Variants in GRIN2A observed in about 807,000 individuals in gnomAD.
GRIN2A encodes the protein glutamate ionotropic receptor NMDA type subunit 2A.
GRIN2A carries 22 observed loss-of-function variants against 113.4 expected under a neutral mutation model. The observed-to-expected ratio is 0.19, with a 90% CI of 0.14 to 0.28. The LOEUF (loss-of-function observed/expected upper bound fraction) is 0.28. Among genes scored for constraint, GRIN2A ranks in the 10% least tolerant of loss-of-function variants. The pLI is 1.00. For synonymous variants in GRIN2A, 827 were observed against 738.4 expected (o/e 1.12, Z -1.94); for missense variants, 1,502 against 1,887.0 (o/e 0.80, Z 3.78).
chr16:10,011,568 T>C (rs1262370976), intron 2 of GRIN2A, among the ~76,000 whole-genome samples: 1 of 152,238 alleles, frequency 6.6e-6, no homozygotes, highest in Non-Finnish European at 1.5e-5. Context: ...CTGACTGCTG[T>C]GTGCTGAAGT....
chr16:10,024,005 G>C (rs1002760947), intron 2 of GRIN2A, among the ~76,000 whole-genome samples: 8 of 152,152 alleles, frequency 5.3e-5, no homozygotes, highest in Non-Finnish European at 5.9e-5. Flanking sequence ...GGCTTAGAGA[G>C]GTTAAATGAC....
intron 5 of GRIN2A, among the ~76,000 whole-genome samples, chr16:9,846,441 A>G (rs1483606929): frequency 2.0e-5 from 3 of 152,196 alleles, no homozygotes; most frequent in Admixed American, 1.3e-4. Context: ...GCAATCACAT[A>G]TTATATCTTT....
intron 2 of GRIN2A, among the ~76,000 whole-genome samples, chr16:9,954,278 C>T (rs990278620): frequency 7.2e-5 from 11 of 152,216 alleles, no homozygotes; most frequent in South Asian, 2.1e-4. Flanking sequence ...ACAGAGAAAA[C>T]GTAAAATCTA....
At chr16:9,891,365 A>C (rs2043691769) in intron 3 of GRIN2A, among the ~76,000 whole-genome samples, 1 of 152,224 alleles carries the variant, frequency 6.6e-6, no homozygotes, top group South Asian at 2.1e-4. Flanking sequence ...TGATCTTCTT[A>C]CAGGAAGATC....
intron 2 of GRIN2A, among the ~76,000 whole-genome samples, chr16:10,162,538 T>A (rs1378742932): frequency 6.6e-6 from 1 of 152,226 alleles, no homozygotes; most frequent in Non-Finnish European, 1.5e-5. Context: ...CTCCTTGGCA[T>A]ACAGATGGCC....
intron 5 of GRIN2A, among the ~76,000 whole-genome samples, chr16:9,846,386 G>C (rs1289335527): frequency 6.6e-6 from 1 of 152,204 alleles, no homozygotes; most frequent in African/African-American, 2.4e-5. Context: ...TGACCTCACT[G>C]ATAAAATTTT....
chr16:9,863,075 A>C (rs927723264), intron 4 of GRIN2A, among the ~76,000 whole-genome samples: 1 of 152,218 alleles, frequency 6.6e-6, no homozygotes, highest in African/African-American at 2.4e-5. Flanking sequence ...TCAAACAGCA[A>C]GTGAGAAGAC....
chr16:9,762,875 A>G lies in GRIN2A; in HGVS notation c.*274T>C. ...ATTATTGCCAACATACCCAGTAGGC[A>G]TGTCCCGGAGACTTGCCCTTATGTA... On this transcript the variant is annotated 3_prime_UTR_variant, in exon 13 of 13. Transcript: ENST00000330684. 2 of 534,958 alleles carry G rather than the reference A, an allele frequency of 3.7e-6. No homozygotes were observed. Among genetic ancestry groups the G allele is most frequent in the Non-Finnish European group, 6.7e-6 (2 of 298,638 alleles). The allele number at this position is 534,958 out of a possible 1,614,324, so 33.1% of individuals were successfully genotyped here. A position where few individuals can be genotyped will look rare whatever the true frequency, so the allele number is the denominator to read the frequency against.
intron 2 of GRIN2A, among the ~76,000 whole-genome samples, chr16:10,081,430 C>T (rs1161891583): frequency 6.6e-6 from 1 of 152,224 alleles, no homozygotes; most frequent in Admixed American, 6.5e-5. Flanking sequence ...CACATTCAAT[C>T]AAACTGTCAC....
At chr16:10,160,987 G>A (rs974572186) in intron 2 of GRIN2A, among the ~76,000 whole-genome samples, 4 of 152,206 alleles carry the variant, frequency 2.6e-5, no homozygotes, top group African/African-American at 7.2e-5. Context: ...CAGAACACAC[G>A]TGCAGAGCAC....
intron 2 of GRIN2A, among the ~76,000 whole-genome samples, chr16:10,008,066 T>G (rs2046436419): frequency 6.6e-6 from 1 of 152,180 alleles, no homozygotes; most frequent in Non-Finnish European, 1.5e-5. Flanking sequence ...GTAGGCACTC[T>G]ATGAACATGA....
At chr16:9,936,986 C>A (rs1301191365) in intron 3 of GRIN2A, among the ~76,000 whole-genome samples, 1 of 152,140 alleles carries the variant, frequency 6.6e-6, no homozygotes, top group Non-Finnish European at 1.5e-5. Context: ...AATCCTATAT[C>A]TTAGAATCAA....
At chr16:10,173,882 G>A (rs1015390504) in intron 2 of GRIN2A, among the ~76,000 whole-genome samples, 5 of 152,150 alleles carry the variant, frequency 3.3e-5, no homozygotes, top group Admixed American at 1.3e-4. Context: ...GTCAAAATCC[G>A]AGTGAACACA....
chr16:10,006,721 C>T lies in GRIN2A; in HGVS notation c.415-68170G>A, dbSNP rs117902533. On this transcript the variant is annotated intron_variant, in intron 2 of 12. Coordinates refer to ENST00000330684, the MANE Select transcript of GRIN2A (RefSeq NM_001134407.3). ...TTATGCTATCAAACACTAGATCTTA[C>T]GCATTCCATCTTAACTATATTTTTT... Among the ~76,000 whole-genome samples, 19 of 152,228 alleles carry T rather than the reference C, an allele frequency of 1.2e-4. No individual in the cohort carries two copies. In the East Asian group the frequency reaches 2.7e-3, roughly 22 times the overall value.
chr16:9,864,813 G>C (rs764520487), intron 4 of GRIN2A, among the ~76,000 whole-genome samples: 18 of 152,166 alleles, frequency 1.2e-4, no homozygotes, highest in Non-Finnish European at 2.5e-4. Flanking sequence ...GCAGGTCTCT[G>C]ATGGGCATTT....
intron 2 of GRIN2A, among the ~76,000 whole-genome samples, chr16:10,108,273 A>G (rs2048535724): frequency 6.6e-6 from 1 of 152,228 alleles, no homozygotes; most frequent in Admixed American, 6.5e-5. Context: ...GAGCTTGTGC[A>G]GGAGAATTCC....
At chr16:9,837,023 G>A (rs575559907) in intron 7 of GRIN2A, among the ~76,000 whole-genome samples, 48 of 152,304 alleles carry the variant, frequency 3.2e-4, no homozygotes, top group Non-Finnish European at 5.4e-4. Context: ...TTACCTGCAA[G>A]TGCTTCTGAT....
In GRIN2A at chr16:9,755,794, A is replaced by C. The variant is rs1298248421; in HGVS notation, c.*7355T>G. Reference sequence around the variant, plus strand: ...GTTCAACACTCTTCAGTGGGACAGAATAACCGTCATTATCCTAATGCTAAG... The same window carrying C: ...GTTCAACACTCTTCAGTGGGACAGACTAACCGTCATTATCCTAATGCTAAG... On this transcript the variant is annotated 3_prime_UTR_variant, in exon 13 of 13. Transcript: ENST00000330684. The C allele has an allele frequency of 4.9e-6, 1 of 205,070 alleles. No homozygotes were observed. Among genetic ancestry groups the C allele is most frequent in the African/African-American group, 2.3e-5 (1 of 43,670 alleles). The allele number at this position is 205,070 out of a possible 1,614,324, so 12.7% of individuals were successfully genotyped here.
At chr16:10,107,452 G>C (rs1399822824) in intron 2 of GRIN2A, among the ~76,000 whole-genome samples, 1 of 152,186 alleles carries the variant, frequency 6.6e-6, no homozygotes, top group African/African-American at 2.4e-5. Context: ...TGCATGAGGA[G>C]TACTTACAGG....
Sources: allele counts gnomAD v4.1 joint callset (sites outside exome capture counted in the v4.1 genomes callset), GRCh38; gene constraint gnomAD v4.1.1; transcripts MANE v1.5; gene names NCBI Gene and HGNC (gene_info 2026-07-23, HGNC 2026-07-21).